The following CSPP1 variants were observed in gnomAD, a reference collection of about 807,000 sequenced individuals.
CSPP1 encodes centrosome and spindle pole associated protein 1, also known as centrosome and spindle pole-associated protein 1.
Under a neutral mutation model 164.4 loss-of-function variants are expected in CSPP1, and 126 were observed. That is an observed-to-expected ratio of 0.77 (90% confidence interval 0.66 to 0.89). CSPP1 has a LOEUF of 0.89. CSPP1 is among the 40% of genes least tolerant of loss of function. The pLI is 0.00. For synonymous variants in CSPP1, 472 were observed against 476.7 expected (o/e 0.99, Z 0.13); for missense variants, 1,395 against 1,449.8 (o/e 0.96, Z 0.61).
Position 67,093,587 on chromosome 8 carries a change from C to T in CSPP1, c.429C>T (p.Leu143=). 1 of 1,612,478 alleles carries T rather than the reference C, an allele frequency of 6.2e-7. No homozygotes were observed. The highest frequency in any genetic ancestry group is 1.7e-5 in the Admixed American group (1 of 59,954). The change falls in exon 6 of 31, where the codon CTC becomes CTT. Residue 143 remains leucine, a synonymous_variant. Transcript: ENST00000678616. ...GTAACAAAGAATACAATCAGTTTCT[C>T]AGGGGTAAGGAAGAATCCAGTGAAA... The part of the protein sequence containing the change: ...LERNKEYNQF[L]RGKEESSEKF...
intron 30 of CSPP1, among the ~76,000 whole-genome samples, chr8:67,194,658 C>T (rs1586978115): frequency 6.7e-6 from 1 of 149,196 alleles, no homozygotes; most frequent in Non-Finnish European, 1.5e-5. Context: ...ATTGACTGCA[C>T]ATACCAATCC....
intron 1 of CSPP1, among the ~76,000 whole-genome samples, chr8:67,070,229 G>A (rs956443928): frequency 2.0e-5 from 3 of 151,902 alleles, no homozygotes; most frequent in African/African-American, 7.2e-5. Context: ...TTGGGAGGCC[G>A]AGGCAGGCGG....
intron 24 of CSPP1, among the ~76,000 whole-genome samples, chr8:67,166,672 C>T (rs1829362938): frequency 6.6e-6 from 1 of 150,946 alleles, no homozygotes; most frequent in Admixed American, 6.6e-5. Flanking sequence ...GTTATAAATG[C>T]CTTAACTGTG....
At chr8:67,138,108 T>C (rs991387004) in intron 17 of CSPP1, among the ~76,000 whole-genome samples, 1 of 152,186 alleles carries the variant, frequency 6.6e-6, no homozygotes, top group African/African-American at 2.4e-5. Context: ...GTTTCATAAT[T>C]TGTTGATTTA....
At chr8:67,179,145 C>T (rs1042161388) in intron 27 of CSPP1, among the ~76,000 whole-genome samples, 4 of 152,070 alleles carry the variant, frequency 2.6e-5, no homozygotes, top group African/African-American at 9.7e-5. Context: ...ACTTTAGGTT[C>T]CTTCTGACAT....
chr8:67,193,933 G>C (rs1464526334), intron 30 of CSPP1, among the ~76,000 whole-genome samples: 1 of 152,226 alleles, frequency 6.6e-6, no homozygotes, highest in Non-Finnish European at 1.5e-5. Flanking sequence ...AACATTATTA[G>C]AAATTAGCCT....
chr8:67,109,387 T>G (rs1586169809), intron 9 of CSPP1, among the ~76,000 whole-genome samples: 1 of 152,358 alleles, frequency 6.6e-6, no homozygotes, highest in East Asian at 1.9e-4. Flanking sequence ...CCAGTCCTTC[T>G]TCTAAGGGCT....
intron 17 of CSPP1, among the ~76,000 whole-genome samples, chr8:67,145,055 C>CAA (rs1184105758): frequency 1.1e-4 from 7 of 62,380 alleles, no homozygotes; most frequent in African/African-American, 2.1e-4. Flanking sequence ...GACTCCATCT[C>CAA]AAAAAAAAAA....
At chr8:67,158,912 C>A in intron 20 of CSPP1, 79 bp from the exon 21 acceptor site, 1 of 1,159,022 alleles carries the variant, frequency 8.6e-7, no homozygotes, top group Non-Finnish European at 1.2e-6. Context: ...CTCATTTTAT[C>A]AGATAAATAA....
At chr8:67,138,310 G>A (rs1349237984) in intron 17 of CSPP1, among the ~76,000 whole-genome samples, 1 of 152,010 alleles carries the variant, frequency 6.6e-6, no homozygotes, top group Admixed American at 6.6e-5. Context: ...TAAAGTGTTC[G>A]CATATAACCT....
intron 28 of CSPP1, among the ~76,000 whole-genome samples, chr8:67,187,655 G>C (rs1395578486): frequency 2.6e-5 from 4 of 152,156 alleles, no homozygotes; most frequent in African/African-American, 9.7e-5. Context: ...CTAAACTCCA[G>C]CCTGGGCAAC....
chr8:67,172,604 A>G, intron 25 of CSPP1, 49 bp downstream of exon 25: 2 of 1,456,524 alleles, frequency 1.4e-6, no homozygotes, highest in Non-Finnish European at 1.9e-6. Flanking sequence ...TGTTCTACCC[A>G]TATTTAAATA....
At chr8:67,148,370 TA>T (rs1274818637) in intron 17 of CSPP1, among the ~76,000 whole-genome samples, 1 of 152,230 alleles carries the variant, frequency 6.6e-6, no homozygotes, top group Non-Finnish European at 1.5e-5. Context: ...ATTGCTCTAT[TA>T]CATGTGCTTT....
At chr8:67,170,462 A>T (rs567614803) in intron 24 of CSPP1, among the ~76,000 whole-genome samples, 49 of 151,978 alleles carry the variant, frequency 3.2e-4, no homozygotes, top group South Asian at 1.3e-3. Flanking sequence ...TCAAAAAAAA[A>T]TTTTTTTATC....
chr8:67,128,260 C>T (rs1298169089), intron 15 of CSPP1, among the ~76,000 whole-genome samples: 1 of 151,992 alleles, frequency 6.6e-6, no homozygotes, highest in Non-Finnish European at 1.5e-5. Flanking sequence ...ATTTGTTGGC[C>T]GGGTGCAGTG....
chr8:67,103,745 C>T (rs1814683548), intron 8 of CSPP1, among the ~76,000 whole-genome samples: 1 of 149,628 alleles, frequency 6.7e-6, no homozygotes, highest in Admixed American at 6.8e-5. Flanking sequence ...GAGGCTGAGG[C>T]AGGAGAATGG....
intron 10 of CSPP1, among the ~76,000 whole-genome samples, 189 bp downstream of exon 10, chr8:67,112,254 G>C (rs1324080122): frequency 7.2e-6 from 1 of 139,830 alleles, no homozygotes; most frequent in Admixed American, 7.2e-5. Flanking sequence ...TTTTTTTTTG[G>C]TCATAAGTAG....
intron 24 of CSPP1, among the ~76,000 whole-genome samples, chr8:67,170,021 C>G (rs951039655): frequency 6.6e-6 from 1 of 151,800 alleles, no homozygotes; most frequent in South Asian, 2.1e-4. Context: ...GGATTATAGG[C>G]GTGAGCCACA....
intron 4 of CSPP1, among the ~76,000 whole-genome samples, chr8:67,089,747 A>C (rs1480479144): frequency 6.6e-6 from 1 of 152,176 alleles, no homozygotes; most frequent in Non-Finnish European, 1.5e-5. Context: ...GAATGATTAA[A>C]ATTTAGCTTT....
Sources: allele counts gnomAD v4.1 joint callset (sites outside exome capture counted in the v4.1 genomes callset), GRCh38; gene constraint gnomAD v4.1.1; transcripts MANE v1.5; gene names NCBI Gene and HGNC (gene_info 2026-07-23, HGNC 2026-07-21).